Variants in CSMD1 observed in about 807,000 individuals in gnomAD.
The protein encoded by CSMD1 is CUB and Sushi multiple domains 1, also known as CUB and sushi domain-containing protein 1.
Under a neutral mutation model 417.5 loss-of-function variants are expected in CSMD1, and 213 were observed. The ratio of observed to expected loss-of-function variants is 0.51; its 90% CI spans 0.46 to 0.57. The LOEUF is 0.57. Ranked by LOEUF, CSMD1 falls within the 20% of genes least tolerant of loss-of-function variation. The probability of loss-of-function intolerance (pLI) is 0.00; values close to 1 mark genes in which losing one functional copy is unlikely to be tolerated. For missense variants in CSMD1, 6,923 were observed against 4,529.7 expected (o/e 1.53, Z -15.17); for synonymous variants, 2,862 against 1,736.8 (o/e 1.65, Z -16.11).
intron 12 of CSMD1, among the ~76,000 whole-genome samples, chr8:3,439,139 AAAAAAAAAAAAAACC>A (rs1563390071): frequency 3.1e-5 from 4 of 129,932 alleles, no homozygotes; most frequent in East Asian, 2.4e-4. Flanking sequence ...AAAAAAAAAA[AAAAAAAAAAAAAACC>A]AAGAAAAAAA....
chr8:4,048,866 A>C (rs984577020), intron 3 of CSMD1, among the ~76,000 whole-genome samples: 3 of 152,232 alleles, frequency 2.0e-5, no homozygotes, highest in African/African-American at 7.2e-5. Flanking sequence ...CAGATAGATC[A>C]AGCTCATTTT....
Position 4,633,749 on chromosome 8 carries a change from G to C in CSMD1, c.302+3593C>G, listed in dbSNP as rs189123872. On this transcript the variant is annotated intron_variant, in intron 2 of 69. Transcript: ENST00000635120. ...TTTTTTTTGTACTTTTAGTGGAGAC[G>C]GGGTTTCATCATATTGGCCAAGGAT... Among the ~76,000 whole-genome samples the C allele has an allele frequency of 1.6e-4, 25 of 151,944 alleles. 1 individual carries two copies. In the East Asian group the frequency reaches 4.9e-3, roughly 29 times the overall value.
chr8:4,723,675 C>G (rs1260518715), intron 1 of CSMD1, among the ~76,000 whole-genome samples: 2 of 150,296 alleles, frequency 1.3e-5, no homozygotes, highest in Admixed American at 6.7e-5. Flanking sequence ...GTTTTTACCA[C>G]ATTTTTGTTG....
intron 3 of CSMD1, among the ~76,000 whole-genome samples, chr8:4,335,357 C>A (rs761098403): frequency 3.9e-5 from 6 of 152,110 alleles, no homozygotes; most frequent in Non-Finnish European, 5.9e-5. Context: ...AACATTCAAT[C>A]TATAGGAATC....
intron 1 of CSMD1, among the ~76,000 whole-genome samples, chr8:4,841,168 T>C (rs1800816282): frequency 6.6e-6 from 1 of 152,242 alleles, no homozygotes; most frequent in Non-Finnish European, 1.5e-5. Context: ...TGGTCAGAGC[T>C]TCTCCTCTCC....
chr8:3,941,937 G>A (rs4363226), intron 5 of CSMD1, among the ~76,000 whole-genome samples: 20,908 of 152,092 alleles, frequency 0.14, 1,838 homozygotes, highest in Non-Finnish European at 0.2. Flanking sequence ...GGGCCAGCTA[G>A]CAAATCCTCC....
intron 1 of CSMD1, among the ~76,000 whole-genome samples, chr8:4,893,779 G>A (rs1804287231): frequency 6.6e-6 from 1 of 152,066 alleles, no homozygotes; most frequent in African/African-American, 2.4e-5. Flanking sequence ...CAGAGCCAAT[G>A]TCACATTGTT....
At chr8:4,670,835 G>T (rs997990813) in intron 1 of CSMD1, among the ~76,000 whole-genome samples, 1 of 152,162 alleles carries the variant, frequency 6.6e-6, no homozygotes, top group Non-Finnish European at 1.5e-5. Context: ...TTTCTTAGAA[G>T]AGCAAAAGAA....
intron 3 of CSMD1, among the ~76,000 whole-genome samples, chr8:4,081,533 C>A (rs118124829): frequency 6.6e-6 from 1 of 152,110 alleles, no homozygotes; most frequent in African/African-American, 2.4e-5. Context: ...TACCAACCAC[C>A]GGAAAGGAAC....
intron 3 of CSMD1, among the ~76,000 whole-genome samples, chr8:4,189,650 T>C (rs189159247): frequency 9.9e-4 from 151 of 152,284 alleles, no homozygotes; most frequent in African/African-American, 3.5e-3. Context: ...ACTGATGTTC[T>C]AAACCCTTAT....
At chr8:3,971,512 A>G (rs1255568832) in intron 5 of CSMD1, among the ~76,000 whole-genome samples, 2 of 152,232 alleles carry the variant, frequency 1.3e-5, no homozygotes, top group Non-Finnish European at 1.5e-5. Context: ...GAACTCCCGA[A>G]TCTATGATTA....
chr8:3,635,305 C>T (rs889565410), intron 7 of CSMD1, among the ~76,000 whole-genome samples: 21 of 152,110 alleles, frequency 1.4e-4, no homozygotes, highest in African/African-American at 3.9e-4. Context: ...AAAACCCCAT[C>T]TCTACTAAAA....
intron 4 of CSMD1, among the ~76,000 whole-genome samples, chr8:4,023,208 G>C (rs1796876295): frequency 6.6e-6 from 1 of 152,324 alleles, no homozygotes; most frequent in Non-Finnish European, 1.5e-5. Context: ...CAGACCTTCA[G>C]GGAAGCCAGA....
At chr8:3,082,543 G>C (rs974590124) in intron 49 of CSMD1, among the ~76,000 whole-genome samples, 3 of 152,172 alleles carry the variant, frequency 2.0e-5, no homozygotes, top group African/African-American at 4.8e-5. Flanking sequence ...CGGACTAGCA[G>C]AGCCATAAGA....
At chr8:4,072,665 A>G (rs1472121425) in intron 3 of CSMD1, among the ~76,000 whole-genome samples, 1 of 152,154 alleles carries the variant, frequency 6.6e-6, no homozygotes, top group African/African-American at 2.4e-5. Flanking sequence ...CTTCCCCTTT[A>G]TTTCTGTGGA....
intron 46 of CSMD1, among the ~76,000 whole-genome samples, chr8:3,098,595 C>G (rs1815502581): frequency 6.6e-6 from 1 of 152,114 alleles, no homozygotes; most frequent in Non-Finnish European, 1.5e-5. Context: ...TCAGAACACA[C>G]AGATTGAAAC....
rs1365762067 is a variant in CSMD1, at chr8:4,385,117, G to C, written c.415+34836C>G. On this transcript the variant is annotated intron_variant, in intron 3 of 69. Transcript: ENST00000635120. ...AATTTTTGTATTTTTAGAAGAGACG[G>C]TGTTTCACCATGTTGGCCAGGCTGG... Among the ~76,000 whole-genome samples, 4 of 152,084 alleles carry C rather than the reference G, an allele frequency of 2.6e-5. No individual in the cohort carries two copies. The South Asian group carries it at 6.2e-4, about 24-fold the overall frequency.
At chr8:3,982,717 G>A (rs1275708121) in intron 5 of CSMD1, among the ~76,000 whole-genome samples, 1 of 152,118 alleles carries the variant, frequency 6.6e-6, no homozygotes, top group African/African-American at 2.4e-5. Context: ...GCAGAGGGAA[G>A]CACCCGGCAT....
chr8:3,684,903 T>C (rs1480386941), intron 7 of CSMD1, among the ~76,000 whole-genome samples: 2 of 152,166 alleles, frequency 1.3e-5, no homozygotes, highest in Non-Finnish European at 2.9e-5. Context: ...TCTTCTGAAA[T>C]TTGTAATGAT....
Sources: allele counts gnomAD v4.1 joint callset (sites outside exome capture counted in the v4.1 genomes callset), GRCh38; gene constraint gnomAD v4.1.1; transcripts MANE v1.5; gene names NCBI Gene and HGNC (gene_info 2026-07-23, HGNC 2026-07-21).